The following TNXB variants were observed in gnomAD, a reference collection of about 807,000 sequenced individuals.
TNXB encodes tenascin-X.
TNXB carries 183 observed loss-of-function variants against 340.5 expected under a neutral mutation model. The ratio of observed to expected loss-of-function variants is 0.54; its 90% CI spans 0.48 to 0.61. The LOEUF is 0.61. TNXB is among the 20% of genes least tolerant of loss of function. TNXB has a pLI of 0.00. For missense variants in TNXB, 4,613 were observed against 5,446.4 expected, an observed-to-expected ratio of 0.85 and a Z score of 4.82; for synonymous variants, 2,121 against 2,314.5, an observed-to-expected ratio of 0.92 and a Z score of 2.40.
chr6:32,078,918 C>T, intron 11 of TNXB, 115 bp downstream of exon 11: 1 of 1,147,746 alleles, frequency 8.7e-7, no homozygotes, highest in Non-Finnish European at 1.2e-6. Context: ...CTTTCTAGGT[C>T]TTCCCCTGGC....
In TNXB at chr6:32,044,223, C is replaced by T. The variant is rs9378120; in HGVS notation, c.11264-94G>A. The T allele has an allele frequency of 3.0e-3, 3,139 of 1,049,666 alleles. 176 individuals are homozygous for T. In the East Asian group the frequency reaches 0.08, roughly 27 times the overall value. The allele number at this position is 1,049,666 out of a possible 1,614,324, so 65.0% of individuals were successfully genotyped here. ...CGCCTCTGCTCCAGCACAGGCTCACCACCCCTTTTCCTCTAGTCCCCAGGA... is the reference window on the plus strand; with the variant it reads ...CGCCTCTGCTCCAGCACAGGCTCACTACCCCTTTTCCTCTAGTCCCCAGGA... On this transcript the variant is annotated intron_variant, in intron 33 of 43. Transcript: ENST00000644971.
rs555584640 is a variant in TNXB, at chr6:32,084,148, A to G, written c.3445+265T>C. Among the ~76,000 whole-genome samples, 2 of 152,148 alleles carry G rather than the reference A, an allele frequency of 1.3e-5. No individual in the cohort carries two copies. Among genetic ancestry groups the G allele is most frequent in the African/African-American group, 4.8e-5 (2 of 41,508 alleles). On this transcript the variant is annotated intron_variant, in intron 8 of 43. Transcript: ENST00000644971. The surrounding 1 kb of genome is among the most constrained non-coding windows in gnomAD (Gnocchi z 5.5). ...GACCAGGCCCTTTGGCACCCCCCAC[A>G]TGCCCTGTTCTCCAGCCAGAGGAAA...
In TNXB at chr6:32,081,697, G is replaced by A; in HGVS notation, c.3737-24C>T. On this transcript the variant is annotated intron_variant, in intron 9 of 43. Transcript: ENST00000644971. This position sits in a 1 kb window ranked among gnomAD's most constrained non-coding sequence, Gnocchi z 5.1. The stretch of plus-strand genomic sequence containing the variant: ...AGCTGTAAACAAGGAGATCCAGCCA[G>A]GTGCTGAACTGGCAGCCTGGGACTG... 1 of 1,543,950 alleles carries A rather than the reference G, an allele frequency of 6.5e-7. No individual in the cohort carries two copies. Among genetic ancestry groups the A allele is most frequent in the Non-Finnish European group, 8.8e-7 (1 of 1,140,580 alleles).
chr6:32,048,544 G>A lies in TNXB; in HGVS notation c.9864C>T (p.Pro3288=). Residue 3288 remains proline, a synonymous_variant, in exon 29 of 44, where the codon CCC becomes CCT. Transcript: ENST00000644971. ...VGLSWTVAQG[P]FDSFLVQYRD... is the part of the protein sequence containing the mutation. ...TGTACTGTACCAGGAAGGAGTCAAA[G>A]GGGCCCTGGGCCACCGTCCATGAGA... 6.4e-7 allele frequency: 1 copy of A among 1,574,080 alleles called. No homozygotes were observed. The highest frequency in any genetic ancestry group is 2.3e-5 in the East Asian group (1 of 43,408).
At position 32,062,095 on chromosome 6, in the gene TNXB, C is replaced by T. The variant is rs1245134338; in HGVS notation, c.7168+62G>A. ...CCGTCCCATTCCCCACCAGTCATCA[C>T]CAAAGAGCAAGAGGGTGACCCTCCC... On this transcript the variant is annotated intron_variant, in intron 20 of 43. Transcript: ENST00000644971. This position sits in a 1 kb window ranked among gnomAD's most constrained non-coding sequence, Gnocchi z 4.3. The T allele has an allele frequency of 1.3e-6, 2 of 1,544,552 alleles. No individual in the cohort carries two copies. Among genetic ancestry groups the T allele is most frequent in the South Asian group, 1.2e-5 (1 of 81,034 alleles).
At position 32,078,123 on chromosome 6, in the gene TNXB, G is replaced by GAAAGAA. The variant is rs879764138; in HGVS notation, c.4375+904_4375+909dup. Among the ~76,000 whole-genome samples, 448 of 142,738 alleles carry GAAAGAA rather than the reference G, an allele frequency of 3.1e-3. 3 individuals are homozygous for GAAAGAA. Among genetic ancestry groups the GAAAGAA allele is most frequent in the Admixed American group, 0.011 (154 of 14,070 alleles). The allele number at this position is 142,738 out of a possible 152,430, so 93.6% of individuals were successfully genotyped here. ...AGAAAGAAAGAAAGAAAGAAAGAAA[G>GAAAGAA]AAAGAAAGAAAAAGAGAGAAAGAAG... is the stretch of plus-strand genomic sequence containing the variant. On this transcript the variant is annotated intron_variant, in intron 11 of 43. Transcript: ENST00000644971.
intron 1 of TNXB, among the ~76,000 whole-genome samples, chr6:32,101,433 CG>C (rs1339134645): frequency 1.3e-5 from 2 of 150,820 alleles, no homozygotes; most frequent in Admixed American, 1.3e-4. Context: ...GGACTACAGG[CG>C]CCCACCACCA....
Position 32,089,005 on chromosome 6 carries a change from C to G in TNXB, c.2559G>C (p.Pro853=), listed in dbSNP as rs1007864090. Residue 853 remains proline (P), a synonymous_variant, in exon 6 of 44, where the codon CCG becomes CCC. Coordinates refer to ENST00000644971, the MANE Select transcript of TNXB (RefSeq NM_001365276.2). This position sits in a 1 kb window ranked among gnomAD's most constrained non-coding sequence, Gnocchi z 6.2. ...PQDLRVVAVT[P]TTLELGWLRP... ...GCAGCCAGCCAAGCTCCAGTGTTGT[C>G]GGTGTCACAGCCACCACTCGGAGGT... is the stretch of plus-strand genomic sequence containing the variant. 6.2e-7 allele frequency: 1 copy of G among 1,610,884 alleles called. No individual in the cohort carries two copies. The highest frequency in any genetic ancestry group is 8.5e-7 in the Non-Finnish European group (1 of 1,178,874).
At chr6:32,077,449 T>A (rs204878) in intron 11 of TNXB, among the ~76,000 whole-genome samples, 9,124 of 152,346 alleles carry the variant, frequency 0.06, 406 homozygotes, top group African/African-American at 0.12. Flanking sequence ...TTTAATTTTT[T>A]AATCTTTCCC....
rs765827583 is a variant in TNXB at position 32,070,202 on chromosome 6, G to C, written c.5203C>G (p.Arg1735Gly). ...CCATAGAGGAGGAATCTGTACTTGC[G>C]GCCGGCATCCAGAGGGGTGACAGTG... is the stretch of plus-strand genomic sequence containing the variant. ...SVTVTPLDAGRKYRFLLYGLL... is the reference protein window; with the variant it reads ...SVTVTPLDAGGKYRFLLYGLL... Residue 1735 changes from arginine (R) to glycine (G), a missense_variant, in exon 14 of 44, where the codon CGC becomes GGC. By Grantham distance (125) the Arg-to-Gly change is moderately radical. This residue lies in a region of TNXB where 4,327 missense variants were observed against 4,859.4 expected (regional missense o/e 0.89). Coordinates refer to ENST00000644971, the MANE Select transcript of TNXB (RefSeq NM_001365276.2). The surrounding 1 kb of genome is among the most constrained non-coding windows in gnomAD (Gnocchi z 6.0). 10 of 1,612,170 alleles carry C rather than the reference G, an allele frequency of 6.2e-6. No homozygotes were observed. The highest frequency in any genetic ancestry group is 8.5e-6 in the Non-Finnish European group (10 of 1,179,252).
chr6:32,104,618 A>G lies in TNXB; in HGVS notation c.-9+4563T>C, dbSNP rs4713503. Among the ~76,000 whole-genome samples, 454 of 151,774 alleles carry G rather than the reference A, an allele frequency of 3.0e-3. 12 individuals are homozygous for G. The East Asian group carries it at 0.057, about 19-fold the overall frequency. On this transcript the variant is annotated intron_variant, in intron 1 of 43. Transcript: ENST00000644971. ...ATCCGCCTCTTGCCTGACAACTGCA[A>G]TTGCCTCCTGGCTGCTTTTTTTTTC... is the stretch of plus-strand genomic sequence containing the variant.
chr6:32,099,961 A>AC (rs1165090582), intron 1 of TNXB, among the ~76,000 whole-genome samples: 2 of 151,420 alleles, frequency 1.3e-5, no homozygotes, highest in African/African-American at 4.8e-5. Flanking sequence ...AAAAAAAAAA[A>AC]AAAAAAAAAC....
At chr6:32,103,445 T>A (rs546489849) in intron 1 of TNXB, among the ~76,000 whole-genome samples, 11 of 133,764 alleles carry the variant, frequency 8.2e-5, no homozygotes, top group Admixed American at 6.1e-4. Context: ...AAAAAAAAAA[T>A]GAAACCTTAA....
chr6:32,050,104 G>T lies in TNXB; in HGVS notation c.9333C>A (p.Asp3111Glu). 3.7e-6 allele frequency: 6 copies of T among 1,613,724 alleles called. No homozygotes were observed. Among genetic ancestry groups the T allele is most frequent in the South Asian group, 1.1e-5 (1 of 91,084 alleles). ...PKAVRVPGHE[D>E]GVTISGLEPD... The stretch of plus-strand genomic sequence containing the variant: ...GCTCCAGGCCTGAGATGGTGACCCC[G>T]TCCTCGTGCCCCGGCACCCGCACCG... Residue 3111 changes from aspartate to glutamate, a missense_variant, in exon 27 of 44, where the codon GAC (aspartate) becomes GAA (glutamate). Asp to Glu is a conservative substitution (Grantham distance 45, BLOSUM62 2). Around this residue, in one of 7 missense-constraint regions of TNXB, gnomAD observed 4,327 missense variants for 4,859.4 expected, o/e 0.89. Transcript: ENST00000644971.
chr6:32,050,191 A>G lies in TNXB; in HGVS notation c.9246T>C (p.Val3082=), dbSNP rs571351772. 55 of 1,613,758 alleles carry G rather than the reference A, an allele frequency of 3.4e-5. No homozygotes were observed. Among genetic ancestry groups the G allele is most frequent in the Non-Finnish European group, 4.1e-5 (48 of 1,179,860 alleles). Residue 3082 remains valine (V), a synonymous_variant, in exon 27 of 44, where the codon GTT becomes GTC. Coordinates refer to ENST00000644971, the MANE Select transcript of TNXB (RefSeq NM_001365276.2). The part of the protein sequence containing the change: ...TPDSLSLSWM[V]PEGQFDHFLV... ...GGAAGTGGTCAAACTGGCCCTCGGG[A>G]ACCATCCAGGACAGGCTGAGGGAGT...
In TNXB at chr6:32,056,841, G is replaced by A. The variant is rs775178393; in HGVS notation, c.7888C>T (p.Arg2630Cys). ...TCTGTCATGGTCAGCTCCCCCAGGCGAGGCTTGATGGGGGGCTCAGGGGTC... is the reference window on the plus strand; with the variant it reads ...TCTGTCATGGTCAGCTCCCCCAGGCAAGGCTTGATGGGGGGCTCAGGGGTC... ...TMTPEPPIKP[R>C]LGELTMTDAT... The change falls in exon 23 of 44, where the codon CGC (arginine) becomes TGC (cysteine). Residue 2630 changes from arginine to cysteine, a missense_variant. This residue lies in a region of TNXB where 4,327 missense variants were observed against 4,859.4 expected (regional missense o/e 0.89). Transcript: ENST00000644971. 7.4e-6 allele frequency: 12 copies of A among 1,612,860 alleles called. No homozygotes were observed. The highest frequency in any genetic ancestry group is 1.7e-5 in the Admixed American group (1 of 60,000).
In TNXB at chr6:32,069,560, G is replaced by A. The variant is rs779177953; in HGVS notation, c.5580C>T (p.Ala1860=). Reference sequence around the variant, plus strand: ...CAGCTGCCGCACACTCACCAGTAATGGCGACGGCCGAGATGGGGCCCACAC... The same window carrying A: ...CAGCTGCCGCACACTCACCAGTAATAGCGACGGCCGAGATGGGGCCCACAC... ...GKRVGPISAV[A]ITAGREETET... Residue 1860 remains alanine, a synonymous_variant, in exon 15 of 44, where the codon GCC becomes GCT. Transcript: ENST00000644971. The surrounding 1 kb of genome is among the most constrained non-coding windows in gnomAD (Gnocchi z 6.2). The A allele has an allele frequency of 3.2e-6, 5 of 1,567,726 alleles. No individual in the cohort carries two copies. In the African/African-American group the frequency reaches 6.7e-5, roughly 21 times the overall value.
chr6:32,064,955 T>C lies in TNXB; in HGVS notation c.6707A>G (p.Lys2236Arg). ...CTCGTGTCCCGGCACCCGCACCGCC[T>C]TGGGCTGCCCGTCCCCATTCTTAAA... ...VQFKNGDGQPKAVRVPGHEDG... is the reference protein window; with the variant it reads ...VQFKNGDGQPRAVRVPGHEDG... Residue 2236 changes from lysine (K) to arginine (R), a missense_variant, in exon 19 of 44, where the codon AAG becomes AGG. By Grantham distance (26) the Lys-to-Arg change is conservative. Coordinates refer to ENST00000644971, the MANE Select transcript of TNXB (RefSeq NM_001365276.2). The surrounding 1 kb of genome is among the most constrained non-coding windows in gnomAD (Gnocchi z 5.3). 1 of 1,612,790 alleles carries C rather than the reference T, an allele frequency of 6.2e-7. No homozygotes were observed. Among genetic ancestry groups the C allele is most frequent in the Non-Finnish European group, 8.5e-7 (1 of 1,179,852 alleles).
rs1481105499 is a variant in TNXB at position 32,064,239 on chromosome 6, G to T, written c.6841+582C>A. Among the ~76,000 whole-genome samples, 2 of 152,126 alleles carry T rather than the reference G, an allele frequency of 1.3e-5. No individual in the cohort carries two copies. Among genetic ancestry groups the T allele is most frequent in the African/African-American group, 2.4e-5 (1 of 41,412 alleles). ...GCTTGTTTTGTTTTTTTGAGACAGGGTCTCACTCTGTCACACAGGCTGGAG... is the reference window on the plus strand; with the variant it reads ...GCTTGTTTTGTTTTTTTGAGACAGGTTCTCACTCTGTCACACAGGCTGGAG... On this transcript the variant is annotated intron_variant, in intron 19 of 43. Coordinates refer to ENST00000644971, the MANE Select transcript of TNXB (RefSeq NM_001365276.2). The surrounding 1 kb of genome is among the most constrained non-coding windows in gnomAD (Gnocchi z 5.3).
Sources: gnomAD v4.1 joint callset for allele counts (sites outside exome capture counted in the v4.1 genomes callset) on GRCh38, gnomAD v4.1.1 for gene constraint, gnomAD v4.1.1 regional missense constraint, Gnocchi (gnomAD v3.1) non-coding constraint, MANE v1.5 for transcripts, NCBI Gene and HGNC (gene_info 2026-07-23, HGNC 2026-07-21) for gene names.